The following CTNNBIP1 variants were observed in gnomAD, a reference collection of about 807,000 sequenced individuals.
CTNNBIP1 encodes catenin beta interacting protein 1, also known as beta-catenin-interacting protein 1.
In CTNNBIP1, 7 loss-of-function variants were observed where a neutral mutation model predicts 11.8. The ratio of observed to expected loss-of-function variants is 0.60; its 90% CI spans 0.34 to 1.12. The LOEUF is 1.12. CTNNBIP1 is among the 50% of genes most tolerant of loss of function. The pLI is 0.03. For missense variants in CTNNBIP1, 101 were observed against 113.4 expected (o/e 0.89, Z 0.50); for synonymous variants, 58 against 43.9 (o/e 1.32, Z -1.26).
chr1:9,881,585 C>T (rs370355964), intron 2 of CTNNBIP1, among the ~76,000 whole-genome samples: 4 of 151,838 alleles, frequency 2.6e-5, no homozygotes, highest in South Asian at 2.1e-4. Context: ...GTGATCCGCC[C>T]GCCTCAGTCT....
chr1:9,854,309 A>C (rs1263792101), intron 5 of CTNNBIP1, among the ~76,000 whole-genome samples: 6 of 147,882 alleles, frequency 4.1e-5, no homozygotes, highest in Admixed American at 1.4e-4. Context: ...TGGAGGTTGC[A>C]GTGAGCTGAG....
chr1:9,866,644 C>T lies in CTNNBIP1; in HGVS notation c.187+4543G>A, dbSNP rs1027544766. 2.0e-5 allele frequency among the ~76,000 whole-genome samples: 3 copies of T among 150,456 alleles called. No homozygotes were observed. The South Asian group carries it at 6.3e-4, about 32-fold the overall frequency. On this transcript the variant is annotated intron_variant, in intron 5 of 5. Coordinates refer to ENST00000377263, the MANE Select transcript of CTNNBIP1 (RefSeq NM_020248.3). Reference sequence around the variant, plus strand: ...GCAGTGAGCCGAGATCACGCCACTGCACTCCAGCCTGGGTGACAGAACAAA... The same window carrying T: ...GCAGTGAGCCGAGATCACGCCACTGTACTCCAGCCTGGGTGACAGAACAAA...
chr1:9,894,398 C>A (rs1337221011), intron 1 of CTNNBIP1, among the ~76,000 whole-genome samples: 1 of 152,244 alleles, frequency 6.6e-6, no homozygotes, highest in Non-Finnish European at 1.5e-5. Context: ...CTCTGTCACA[C>A]AGGGTGGAGT....
At chr1:9,870,614 A>G (rs1638840997) in intron 5 of CTNNBIP1, among the ~76,000 whole-genome samples, 1 of 152,236 alleles carries the variant, frequency 6.6e-6, no homozygotes, top group Non-Finnish European at 1.5e-5. Flanking sequence ...TGCCTGCTAC[A>G]CAACAAACAC....
chr1:9,881,174 A>T (rs1639073204), intron 2 of CTNNBIP1, among the ~76,000 whole-genome samples: 2 of 151,578 alleles, frequency 1.3e-5, no homozygotes, highest in Middle Eastern at 3.4e-3. Context: ...TGGCTGAACC[A>T]CAGGCATGCA....
At chr1:9,890,763 G>A (rs1384407966) in intron 1 of CTNNBIP1, among the ~76,000 whole-genome samples, 1 of 152,150 alleles carries the variant, frequency 6.6e-6, no homozygotes, top group Non-Finnish European at 1.5e-5. Context: ...CTGAGCAAAG[G>A]CATCAAAAGA....
chr1:9,900,502 C>T (rs2101542932), intron 1 of CTNNBIP1, among the ~76,000 whole-genome samples: 1 of 152,306 alleles, frequency 6.6e-6, no homozygotes, highest in South Asian at 2.1e-4. Flanking sequence ...CCACTGTCAC[C>T]ACTCATGGAC....
chr1:9,905,623 G>A (rs1639602558), intron 1 of CTNNBIP1, among the ~76,000 whole-genome samples: 1 of 151,480 alleles, frequency 6.6e-6, no homozygotes, highest in Admixed American at 6.6e-5. Context: ...GTAGAGACGG[G>A]GTTTCACCAT....
intron 5 of CTNNBIP1, among the ~76,000 whole-genome samples, chr1:9,862,229 C>A (rs1368321743): frequency 2.0e-5 from 3 of 152,186 alleles, no homozygotes; most frequent in Non-Finnish European, 4.4e-5. Flanking sequence ...CATATTCTCT[C>A]TCTTTTTTTC....
intron 5 of CTNNBIP1, among the ~76,000 whole-genome samples, chr1:9,862,743 A>G (rs1334497927): frequency 6.6e-6 from 1 of 152,122 alleles, no homozygotes; most frequent in Non-Finnish European, 1.5e-5. Flanking sequence ...GTGGCTTCCT[A>G]GGTGGTCTCC....
intron 5 of CTNNBIP1, among the ~76,000 whole-genome samples, chr1:9,865,118 ACC>A (rs1638715338): frequency 6.6e-6 from 1 of 152,018 alleles, no homozygotes; most frequent in South Asian, 2.1e-4. Flanking sequence ...AATCCCAGCT[ACC>A]TGGGAGGCTA....
intron 1 of CTNNBIP1, among the ~76,000 whole-genome samples, chr1:9,899,322 G>A (rs1639474213): frequency 1.3e-5 from 2 of 151,252 alleles, no homozygotes; most frequent in Admixed American, 1.3e-4. Context: ...TGGGTGTGGT[G>A]GCGTGCACCT....
rs1339821441 is a variant in CTNNBIP1 at position 9,910,087 on chromosome 1, G to T, written c.-144+8C>A. ...GCGGTGCAGGCGCGGCCCGGCCTCG[G>T]CGCTTACCTGGGCCGCCCGACCCGG... is the stretch of plus-strand genomic sequence containing the variant. On this transcript the variant is annotated splice_region_variant and intron_variant, in intron 1 of 5. Coordinates refer to ENST00000377263, the MANE Select transcript of CTNNBIP1 (RefSeq NM_020248.3). 1 of 146,894 alleles carries T rather than the reference G, an allele frequency of 6.8e-6. No individual in the cohort carries two copies. The highest frequency in any genetic ancestry group is 1.5e-5 in the Non-Finnish European group (1 of 66,034). The allele number at this position is 146,894 out of a possible 1,614,324, so 9.1% of individuals were successfully genotyped here.
intron 3 of CTNNBIP1, among the ~76,000 whole-genome samples, chr1:9,875,316 G>C (rs1638945073): frequency 6.6e-6 from 1 of 152,224 alleles, no homozygotes; most frequent in African/African-American, 2.4e-5. Context: ...CATCCACCCA[G>C]GAGCCAGTGG....
intron 1 of CTNNBIP1, among the ~76,000 whole-genome samples, chr1:9,897,721 G>A (rs997854988): frequency 1.2e-4 from 18 of 152,154 alleles, no homozygotes; most frequent in African/African-American, 4.3e-4. Context: ...GGCTGAGGCA[G>A]GAGAATCACT....
chr1:9,888,388 C>G (rs890733336), intron 1 of CTNNBIP1, among the ~76,000 whole-genome samples: 1 of 152,076 alleles, frequency 6.6e-6, no homozygotes, highest in African/African-American at 2.4e-5. Flanking sequence ...TCAAGACCAG[C>G]CTGGCAAACA....
chr1:9,852,185 C>G (rs1409522277), intron 5 of CTNNBIP1, among the ~76,000 whole-genome samples: 3 of 152,168 alleles, frequency 2.0e-5, no homozygotes, highest in African/African-American at 4.8e-5. Context: ...GGGTCTCCCC[C>G]ACAGCCGGCA....
At chr1:9,853,563 T>C (rs1031697758) in intron 5 of CTNNBIP1, among the ~76,000 whole-genome samples, 1 of 152,232 alleles carries the variant, frequency 6.6e-6, no homozygotes, top group Non-Finnish European at 1.5e-5. Context: ...CCTCAGGTAG[T>C]CTCGCTGTCC....
intron 5 of CTNNBIP1, among the ~76,000 whole-genome samples, chr1:9,852,251 C>T (rs760816377): frequency 1.1e-4 from 16 of 152,136 alleles, no homozygotes; most frequent in South Asian, 2.1e-4. Flanking sequence ...ACCCAGCTGT[C>T]GGGAGGGCCA....
Sources: allele counts gnomAD v4.1 joint callset (sites outside exome capture counted in the v4.1 genomes callset), GRCh38; gene constraint gnomAD v4.1.1; transcripts MANE v1.5; gene names NCBI Gene and HGNC (gene_info 2026-07-23, HGNC 2026-07-21).